PACS1: variants seen among roughly 807,000 people sequenced by gnomAD.
PACS1 encodes PACS-1.
In PACS1, 24 loss-of-function variants were observed where a neutral mutation model predicts 115.0. That is an observed-to-expected ratio of 0.21 (90% confidence interval 0.15 to 0.29). The LOEUF is 0.29. PACS1 is among the 10% of genes least tolerant of loss of function. The pLI is 1.00. For missense variants in PACS1, 838 were observed against 1,251.2 expected, an observed-to-expected ratio of 0.67 and a Z score of 4.98; for synonymous variants, 453 against 504.5, an observed-to-expected ratio of 0.90 and a Z score of 1.37.
In PACS1 at chr11:66,193,589, C is replaced by G. The variant is rs747234018; in HGVS notation, c.444+16C>G. ...GAAGCTGCAGGTGAGTGGGGCAGGA[C>G]TGTTTGTTCAGGGCCCAGGGAAGCT... On this transcript the variant is annotated intron_variant, in intron 2 of 23. Transcript: ENST00000320580. 1 of 1,591,534 alleles carries G rather than the reference C, an allele frequency of 6.3e-7. No homozygotes were observed. Among genetic ancestry groups the G allele is most frequent in the Non-Finnish European group, 8.6e-7 (1 of 1,159,754 alleles).
intron 1 of PACS1, among the ~76,000 whole-genome samples, chr11:66,140,240 T>C (rs1002898332): frequency 1.2e-4 from 19 of 152,172 alleles, no homozygotes; most frequent in African/African-American, 4.6e-4. Context: ...TTTTAGAGGG[T>C]GCTGAAGCTT....
intron 1 of PACS1, among the ~76,000 whole-genome samples, chr11:66,071,047 GAC>G (rs1278074632): frequency 6.6e-6 from 1 of 152,146 alleles, no homozygotes; most frequent in Non-Finnish European, 1.5e-5. Flanking sequence ...CTGGGGCCGG[GAC>G]CACCCTTCTG....
At chr11:66,170,998 A>G (rs1197604218) in intron 1 of PACS1, among the ~76,000 whole-genome samples, 1 of 150,128 alleles carries the variant, frequency 6.7e-6, no homozygotes, top group Admixed American at 6.6e-5. Context: ...GTATGTTTGA[A>G]AAGATTGTGT....
chr11:66,105,855 C>T (rs917099908), intron 1 of PACS1, among the ~76,000 whole-genome samples: 7 of 152,220 alleles, frequency 4.6e-5, no homozygotes, highest in South Asian at 2.1e-4. Flanking sequence ...AGGAGTATGC[C>T]TATAAGCATC....
chr11:66,193,556 A>T lies in PACS1; in HGVS notation c.427A>T (p.Ile143Phe). 6.2e-7 allele frequency: 1 copy of T among 1,613,404 alleles called. No individual in the cohort carries two copies. The highest frequency in any genetic ancestry group is 8.5e-7 in the Non-Finnish European group (1 of 1,179,344). Residue 143 changes from isoleucine (I) to phenylalanine (F), a missense_variant, in exon 2 of 24, where the codon ATC (isoleucine) becomes TTC (phenylalanine). Transcript: ENST00000320580. ...EMDKDLNSVV[I>F]AVKLQGSKRI... Reference sequence around the variant, plus strand: ...GGACAAAGATCTTAACTCAGTGGTCATCGCTGTGAAGCTGCAGGTGAGTGG... The same window carrying T: ...GGACAAAGATCTTAACTCAGTGGTCTTCGCTGTGAAGCTGCAGGTGAGTGG...
intron 1 of PACS1, among the ~76,000 whole-genome samples, chr11:66,123,364 G>A (rs1368064022): frequency 6.6e-6 from 1 of 151,676 alleles, no homozygotes; most frequent in East Asian, 1.9e-4. Flanking sequence ...GCTAATTTTT[G>A]TATTTTTAGT....
chr11:66,074,928 ATTTTTTTTTGGTGTTTTTTTTTT>A (rs1857368686), intron 1 of PACS1, among the ~76,000 whole-genome samples: 1 of 136,714 alleles, frequency 7.3e-6, no homozygotes, highest in African/African-American at 2.7e-5. Flanking sequence ...AATTTTATTA[ATTTTTTTTTGGTGTTTTTTTTTT>A]TTTTTTTTTG....
At chr11:66,099,130 G>A (rs996463327) in intron 1 of PACS1, among the ~76,000 whole-genome samples, 9 of 152,144 alleles carry the variant, frequency 5.9e-5, no homozygotes, top group African/African-American at 1.7e-4. Context: ...TGCAACCTCC[G>A]CCTCCAGGGC....
chr11:66,143,818 T>G (rs1400393913), intron 1 of PACS1, among the ~76,000 whole-genome samples: 1 of 152,150 alleles, frequency 6.6e-6, no homozygotes, highest in Non-Finnish European at 1.5e-5. Flanking sequence ...TATTGTATTT[T>G]TAGTAGAAAT....
intron 2 of PACS1, among the ~76,000 whole-genome samples, chr11:66,205,658 AT>A (rs535345581): frequency 0.023 from 3,230 of 138,954 alleles, 84 homozygotes; most frequent in African/African-American, 0.073. Flanking sequence ...AATACTCTTA[AT>A]TTTTTTTTTT....
chr11:66,186,500 G>T (rs566769202), intron 1 of PACS1, among the ~76,000 whole-genome samples: 1 of 152,052 alleles, frequency 6.6e-6, no homozygotes, highest in Non-Finnish European at 1.5e-5. Flanking sequence ...CCTCTTGCTC[G>T]CAATACCTAG....
Position 66,090,380 on chromosome 11 carries a change from C to T in PACS1, c.356+19538C>T, listed in dbSNP as rs571880455. ...CTGAACCTCCCAGGCCCGAGCAATC[C>T]TCCCATCTCAGCCTCGGAAGTAGCT... On this transcript the variant is annotated intron_variant, in intron 1 of 23. Coordinates refer to ENST00000320580, the MANE Select transcript of PACS1 (RefSeq NM_018026.4). 2.0e-4 allele frequency among the ~76,000 whole-genome samples: 30 copies of T among 151,364 alleles called. No homozygotes were observed. In the South Asian group the frequency reaches 4.6e-3, roughly 23 times the overall value.
Position 66,202,742 on chromosome 11 carries a change from AATATATATATATAT to A in PACS1, c.445-7593_445-7580del, listed in dbSNP as rs56203680. ...CATCTCTAGGAAAAAAAAAAAAAAA[AATATATATATATAT>A]ATATATATATATATATATATATATA... On this transcript the variant is annotated intron_variant, in intron 2 of 23. Coordinates refer to ENST00000320580, the MANE Select transcript of PACS1 (RefSeq NM_018026.4). Among the ~76,000 whole-genome samples the A allele has an allele frequency of 2.7e-4, 19 of 71,608 alleles. 4 individuals are homozygous for A. Among genetic ancestry groups the A allele is most frequent in the South Asian group, 2.0e-3 (4 of 1,962 alleles). 47.0% of individuals were successfully genotyped at this position (71,608 alleles called of 152,430 possible). A position where few individuals can be genotyped will look rare whatever the true frequency, so the allele number is the denominator to read the frequency against.
chr11:66,238,790 T>C lies in PACS1; in HGVS notation c.2251-14T>C, dbSNP rs1424829385. 2.0e-5 allele frequency: 32 copies of C among 1,582,798 alleles called. No individual in the cohort carries two copies. Among genetic ancestry groups the C allele is most frequent in the Non-Finnish European group, 2.6e-5 (30 of 1,162,156 alleles). ...AACAGGAGGATCTAATGAGTGCCTC[T>C]TCTCTCCTTGCAGGTGGTGAAGGTG... On this transcript the variant is annotated splice_polypyrimidine_tract_variant and intron_variant, in intron 19 of 23. Coordinates refer to ENST00000320580, the MANE Select transcript of PACS1 (RefSeq NM_018026.4).
At chr11:66,118,222 A>G (rs1858350836) in intron 1 of PACS1, among the ~76,000 whole-genome samples, 5 of 152,242 alleles carry the variant, frequency 3.3e-5, no homozygotes. Flanking sequence ...CAGATGCTAC[A>G]CACAGGTGAA....
At chr11:66,217,585 C>G (rs1276591539) in intron 7 of PACS1, 2 of 456,166 alleles carry the variant, frequency 4.4e-6, no homozygotes, top group African/African-American at 4.0e-5. Context: ...CCAGATCACT[C>G]TCCCATCACA....
At chr11:66,195,104 C>T (rs1011106800) in intron 2 of PACS1, among the ~76,000 whole-genome samples, 5 of 152,140 alleles carry the variant, frequency 3.3e-5, no homozygotes, top group Non-Finnish European at 5.9e-5. Context: ...GTTCCAGCTA[C>T]TCAGGGGGCT....
At chr11:66,077,502 A>G (rs893055497) in intron 1 of PACS1, among the ~76,000 whole-genome samples, 1 of 152,210 alleles carries the variant, frequency 6.6e-6, no homozygotes, top group African/African-American at 2.4e-5. Context: ...TCGAGGCTTC[A>G]GTGAGCCATG....
At chr11:66,184,888 C>T (rs1235868078) in intron 1 of PACS1, among the ~76,000 whole-genome samples, 4 of 152,150 alleles carry the variant, frequency 2.6e-5, no homozygotes, top group Non-Finnish European at 1.5e-5. Context: ...TCTGGGAACA[C>T]TCTATCAGCG....
Sources: gnomAD v4.1 joint callset for allele counts (sites outside exome capture counted in the v4.1 genomes callset) on GRCh38, gnomAD v4.1.1 for gene constraint, MANE v1.5 for transcripts, NCBI Gene and HGNC (gene_info 2026-07-23, HGNC 2026-07-21) for gene names.